Variants in ANKRD28 observed in about 807,000 individuals in gnomAD.
The protein encoded by ANKRD28 is ankyrin repeat domain 28, also known as serine/threonine-protein phosphatase 6 regulatory ankyrin repeat subunit A.
A neutral mutation model predicts 126.5 loss-of-function variants in ANKRD28; 44 were observed. The ratio of observed to expected loss-of-function variants is 0.35; its 90% CI spans 0.27 to 0.45. ANKRD28 has a LOEUF of 0.45. Ranked by LOEUF, ANKRD28 falls within the 20% of genes least tolerant of loss-of-function variation. The pLI, the probability that ANKRD28 is intolerant of heterozygous loss-of-function variation, is 1.00. For synonymous variants in ANKRD28, 442 were observed against 468.5 expected (o/e 0.94, Z 0.73); for missense variants, 1,110 against 1,316.6 (o/e 0.84, Z 2.43).
At chr3:15,697,457 C>A (rs1245609675) in intron 14 of ANKRD28, 1 of 151,966 alleles carries the variant, frequency 6.6e-6, no homozygotes, top group East Asian at 1.9e-4. Flanking sequence ...ACCACCTGTT[C>A]CCCAGGAACT....
intron 1 of ANKRD28, among the ~76,000 whole-genome samples, chr3:15,826,761 C>T (rs115288847): frequency 4.3e-4 from 65 of 152,058 alleles, no homozygotes; most frequent in Admixed American, 1.0e-3. Context: ...ACTGAAATGG[C>T]GGCAAAATTG....
At chr3:15,705,783 C>T (rs2071271534) in intron 14 of ANKRD28, among the ~76,000 whole-genome samples, 1 of 152,174 alleles carries the variant, frequency 6.6e-6, no homozygotes, top group Admixed American at 6.5e-5. Context: ...GGGCGGATCA[C>T]TTAGGTCAGG....
intron 1 of ANKRD28, among the ~76,000 whole-genome samples, chr3:15,851,801 G>T (rs2061657856): frequency 6.6e-6 from 1 of 152,090 alleles, no homozygotes; most frequent in African/African-American, 2.4e-5. Flanking sequence ...CCAGAGAAAT[G>T]AAAACTTACG....
chr3:15,798,213 G>A (rs145587567), upstream of ANKRD28: 45 of 968,982 alleles, frequency 4.6e-5, no homozygotes, highest in East Asian at 8.0e-4. Context: ...AATTCCAAAC[G>A]GCTTAACTGC....
chr3:15,677,057 C>A lies in ANKRD28; in HGVS notation c.2791-1G>T. On this transcript the variant is annotated splice_acceptor_variant, in intron 25 of 27. Transcript: ENST00000683139. LOFTEE classifies it high-confidence loss of function. ...TTAACAAGGCACTAGTTTCATGACC[C>A]TATAATTGTGGCAGATAAGTTATAA... The A allele has an allele frequency of 6.2e-7, 1 of 1,611,908 alleles. No homozygotes were observed. Among genetic ancestry groups the A allele is most frequent in the South Asian group, 1.1e-5 (1 of 90,938 alleles).
intron 1 of ANKRD28, among the ~76,000 whole-genome samples, chr3:15,835,291 C>T (rs1382891016): frequency 6.6e-6 from 1 of 152,186 alleles, no homozygotes; most frequent in Non-Finnish European, 1.5e-5. Flanking sequence ...AGTGGCTTTG[C>T]AAATCTCACA....
intron 14 of ANKRD28, among the ~76,000 whole-genome samples, chr3:15,700,130 C>G (rs553199711): frequency 4.6e-5 from 7 of 152,336 alleles, no homozygotes; most frequent in Admixed American, 2.0e-4. Flanking sequence ...CAAACTATCA[C>G]AAGATCAGAA....
At chr3:15,785,746 T>C (rs193067372) in intron 2 of ANKRD28, among the ~76,000 whole-genome samples, 1 of 152,098 alleles carries the variant, frequency 6.6e-6, no homozygotes, top group African/African-American at 2.4e-5. Flanking sequence ...CAACAAAAAC[T>C]TGCACGTGGA....
intron 4 of ANKRD28, among the ~76,000 whole-genome samples, chr3:15,739,764 AAAG>A (rs1270684060): frequency 3.3e-5 from 5 of 152,254 alleles, no homozygotes; most frequent in African/African-American, 1.2e-4. Context: ...TCTGAAATAA[AAAG>A]TAGTCAGAAC....
chr3:15,717,403 T>C (rs2073193355), intron 8 of ANKRD28, among the ~76,000 whole-genome samples: 1 of 152,130 alleles, frequency 6.6e-6, no homozygotes, highest in Admixed American at 6.6e-5. Flanking sequence ...CTAAAAAGTT[T>C]GCCATAAGAC....
In ANKRD28 at chr3:15,685,408, A is replaced by G. The variant is rs1334709644; in HGVS notation, c.2207T>C (p.Leu736Pro). 6.2e-7 allele frequency: 1 copy of G among 1,613,770 alleles called. No homozygotes were observed. Among genetic ancestry groups the G allele is most frequent in the Admixed American group, 1.7e-5 (1 of 60,008 alleles). Residue 736 changes from leucine to proline, a missense_variant, in exon 21 of 28, where the codon CTT (leucine) becomes CCT (proline). Physicochemically the swap from Leu to Pro is moderately conservative, Grantham distance 98 (BLOSUM62 -3). Transcript: ENST00000683139. ...AAGTAAGCACTTAGCACCATGTTGAAGTAATGCATCTACACATTCTTCATG... is the reference window on the plus strand; with the variant it reads ...AAGTAAGCACTTAGCACCATGTTGAGGTAATGCATCTACACATTCTTCATG... ...TGHEECVDAL[L>P]QHGAKCLLRD...
chr3:15,847,835 T>G (rs1264287427), intron 1 of ANKRD28, among the ~76,000 whole-genome samples: 2 of 152,232 alleles, frequency 1.3e-5, no homozygotes, highest in South Asian at 4.1e-4. Context: ...CTTCCAGAAT[T>G]GATTCAAAAC....
intron 4 of ANKRD28, among the ~76,000 whole-genome samples, chr3:15,748,056 A>G (rs1235922092): frequency 6.6e-6 from 1 of 152,024 alleles, no homozygotes; most frequent in African/African-American, 2.4e-5. Flanking sequence ...ATCTTTTTCT[A>G]CCCCTTTACT....
At position 15,731,035 on chromosome 3, in the gene ANKRD28, C is replaced by T. The variant is rs544730803; in HGVS notation, c.640+4375G>A. Among the ~76,000 whole-genome samples, 8 of 152,318 alleles carry T rather than the reference C, an allele frequency of 5.3e-5. No individual in the cohort carries two copies. In the East Asian group the frequency reaches 1.2e-3, roughly 22 times the overall value. ...CCTTGATCCTGGACTTCCCAGCCTA[C>T]AGAACTGTAAGGAAATAAAATTTCT... is the stretch of plus-strand genomic sequence containing the variant. On this transcript the variant is annotated intron_variant, in intron 6 of 27. Transcript: ENST00000683139.
intron 1 of ANKRD28, among the ~76,000 whole-genome samples, chr3:15,824,647 T>C (rs2061019684): frequency 6.6e-6 from 1 of 152,250 alleles, no homozygotes; most frequent in Non-Finnish European, 1.5e-5. Flanking sequence ...CTCTGATAGT[T>C]TGATGACTAA....
chr3:15,683,826 C>T (rs1289468859), intron 21 of ANKRD28: 1 of 152,188 alleles, frequency 6.6e-6, no homozygotes, highest in East Asian at 1.9e-4. Context: ...TTTGTCAGAA[C>T]AGCTCCCAGT....
intron 6 of ANKRD28, among the ~76,000 whole-genome samples, chr3:15,726,738 A>G (rs929342308): frequency 5.3e-5 from 8 of 152,234 alleles, no homozygotes; most frequent in African/African-American, 1.9e-4. Flanking sequence ...ACGGCCTTCT[A>G]TTGGAAGATG....
chr3:15,715,819 C>A (rs938596617), intron 8 of ANKRD28, among the ~76,000 whole-genome samples: 2 of 151,926 alleles, frequency 1.3e-5, no homozygotes, highest in Non-Finnish European at 2.9e-5. Context: ...CAGTGCTTCT[C>A]AGGATATATT....
intron 27 of ANKRD28, among the ~76,000 whole-genome samples, chr3:15,672,459 C>T (rs982581733): frequency 3.9e-5 from 6 of 152,184 alleles, no homozygotes; most frequent in Middle Eastern, 3.4e-3. Context: ...GTAATTTTTC[C>T]CCCTTTGTAA....
Sources: gnomAD v4.1 joint callset for allele counts (sites outside exome capture counted in the v4.1 genomes callset) on GRCh38, gnomAD v4.1.1 for gene constraint, MANE v1.5 for transcripts, NCBI Gene and HGNC (gene_info 2026-07-23, HGNC 2026-07-21) for gene names.